CRTAM: variants seen among roughly 807,000 people sequenced by gnomAD.
CRTAM encodes the protein cytotoxic and regulatory T cell molecule.
A neutral mutation model predicts 50.0 loss-of-function variants in CRTAM; 44 were observed. That is an observed-to-expected ratio of 0.88 (90% CI 0.69 to 1.13). The LOEUF (loss-of-function observed/expected upper bound fraction) is 1.13. Among genes scored for constraint, CRTAM ranks in the 50% most tolerant of loss-of-function variants. CRTAM has a pLI of 0.00. For missense variants in CRTAM, 448 were observed against 457.5 expected, an observed-to-expected ratio of 0.98 and a Z score of 0.19; for synonymous variants, 159 against 169.3, an observed-to-expected ratio of 0.94 and a Z score of 0.47.
chr11:122,853,734 C>G (rs368918070), intron 3 of CRTAM, among the ~76,000 whole-genome samples: 5 of 151,774 alleles, frequency 3.3e-5, no homozygotes, highest in African/African-American at 1.2e-4. Flanking sequence ...AGGAGAATTG[C>G]GTGAACCTGG....
chr11:122,859,083 T>C (rs1452585116), intron 5 of CRTAM, among the ~76,000 whole-genome samples: 1 of 152,202 alleles, frequency 6.6e-6, no homozygotes, highest in Admixed American at 6.5e-5. Context: ...ATAATAAATC[T>C]GCTACATGTT....
intron 7 of CRTAM, among the ~76,000 whole-genome samples, chr11:122,866,607 CTT>C (rs34105956): frequency 3.8e-3 from 542 of 142,428 alleles, no homozygotes; most frequent in Middle Eastern, 7.1e-3. Context: ...TTTAGAAAGC[CTT>C]TTTTTTTTTT....
At chr11:122,841,127 C>T (rs891132368) in intron 1 of CRTAM, among the ~76,000 whole-genome samples, 3 of 152,070 alleles carry the variant, frequency 2.0e-5, no homozygotes, top group African/African-American at 4.8e-5. Flanking sequence ...AAAAATATTC[C>T]GATTCTGACA....
intron 3 of CRTAM, among the ~76,000 whole-genome samples, chr11:122,853,212 C>T (rs1445348365): frequency 3.3e-5 from 5 of 151,772 alleles, no homozygotes; most frequent in African/African-American, 4.8e-5. Flanking sequence ...GGACTACAGG[C>T]GTGCACCACT....
intron 5 of CRTAM, among the ~76,000 whole-genome samples, chr11:122,858,736 C>T (rs772803797): frequency 6.6e-6 from 1 of 152,066 alleles, no homozygotes; most frequent in Non-Finnish European, 1.5e-5. Context: ...ATTATGGTGC[C>T]CAGGCTGGTC....
At chr11:122,858,943 T>G (rs1184633869) in intron 5 of CRTAM, among the ~76,000 whole-genome samples, 2 of 152,202 alleles carry the variant, frequency 1.3e-5, no homozygotes, top group African/African-American at 4.8e-5. Flanking sequence ...TCAGGACCTC[T>G]CTACAATCTT....
chr11:122,858,103 G>A (rs1048820551), intron 5 of CRTAM, among the ~76,000 whole-genome samples: 2 of 151,958 alleles, frequency 1.3e-5, no homozygotes, highest in Non-Finnish European at 2.9e-5. Context: ...GCTGAGACGG[G>A]GTCTCCCTAT....
In CRTAM at chr11:122,850,072, C is replaced by T. The variant is rs758923593; in HGVS notation, c.51C>T (p.Ala17=). Residue 17 remains alanine (A), a synonymous_variant, in exon 2 of 10, where the codon GCC becomes GCT. Coordinates refer to ENST00000227348, the MANE Select transcript of CRTAM (RefSeq NM_019604.4). Reference sequence around the variant, plus strand: ...CCCATTTCTCTTCCTCCACAGAGGCCTCTCTGACTAACCACACAGAAACCA... The same window carrying T: ...CCCATTTCTCTTCCTCCACAGAGGCTTCTCTGACTAACCACACAGAAACCA... ...SLLAWFPLQE[A]SLTNHTETIT... The T allele has an allele frequency of 1.6e-5, 26 of 1,608,096 alleles. No homozygotes were observed. The highest frequency in any genetic ancestry group is 2.2e-5 in the Non-Finnish European group (26 of 1,176,382).
intron 9 of CRTAM, among the ~76,000 whole-genome samples, chr11:122,870,619 G>A (rs2135259289): frequency 6.6e-6 from 1 of 152,308 alleles, no homozygotes; most frequent in African/African-American, 2.4e-5. Flanking sequence ...GGCCTTGAGT[G>A]TGATCTGCCC....
chr11:122,862,019 GA>G (rs5795354), intron 5 of CRTAM, among the ~76,000 whole-genome samples: 7 of 151,868 alleles, frequency 4.6e-5, no homozygotes, highest in African/African-American at 1.7e-4. Context: ...ACAGATAAGA[GA>G]AAAAAAAGTG....
chr11:122,853,547 G>A (rs1201520593), intron 3 of CRTAM, among the ~76,000 whole-genome samples: 2 of 151,842 alleles, frequency 1.3e-5, no homozygotes, highest in African/African-American at 2.4e-5. Flanking sequence ...TGGGCCGGGC[G>A]CAGTGGCTCA....
At chr11:122,864,416 G>A (rs1193043247) in intron 6 of CRTAM, among the ~76,000 whole-genome samples, 2 of 152,180 alleles carry the variant, frequency 1.3e-5, no homozygotes, top group Non-Finnish European at 2.9e-5. Context: ...GCCAGGCACA[G>A]AGTAAATGCC....
chr11:122,842,576 G>A (rs1190702303), intron 1 of CRTAM, among the ~76,000 whole-genome samples: 4 of 152,166 alleles, frequency 2.6e-5, no homozygotes, highest in South Asian at 2.1e-4. Flanking sequence ...CACCACGCCC[G>A]GCCTCAAATT....
chr11:122,870,402 G>A (rs1268654014), intron 9 of CRTAM, among the ~76,000 whole-genome samples: 1 of 152,126 alleles, frequency 6.6e-6, no homozygotes, highest in Non-Finnish European at 1.5e-5. Context: ...TATTTAAAAT[G>A]AGTACCTGCA....
rs377226256 is a variant in CRTAM at position 122,854,079 on chromosome 11, A to G, written c.483A>G (p.Glu161=). The change falls in exon 4 of 10, where the codon GAA becomes GAG. Residue 161 remains glutamate (E), a synonymous_variant. Transcript: ENST00000227348. ...CCTGGCTACTTGGGAATAGCATGGA[A>G]GTGTCCGGTAAGGGGAGAAATGGTT... ...QITWLLGNSM[E]VSGGTLHEFE... 2 of 1,612,404 alleles carry G rather than the reference A, an allele frequency of 1.2e-6. No homozygotes were observed. Among genetic ancestry groups the G allele is most frequent in the African/African-American group, 2.7e-5 (2 of 74,852 alleles).
chr11:122,864,316 A>G (rs539546880), intron 6 of CRTAM, among the ~76,000 whole-genome samples: 2 of 152,330 alleles, frequency 1.3e-5, no homozygotes, highest in South Asian at 2.1e-4. Flanking sequence ...TATTTGCTAC[A>G]GGACTTTAGG....
At chr11:122,865,663 T>C (rs1348363914) in intron 7 of CRTAM, among the ~76,000 whole-genome samples, 1 of 152,162 alleles carries the variant, frequency 6.6e-6, no homozygotes, top group Non-Finnish European at 1.5e-5. Context: ...TTTCTATGTA[T>C]CTGTAGCTGA....
chr11:122,852,846 G>C (rs886617514), intron 3 of CRTAM, among the ~76,000 whole-genome samples: 3 of 151,970 alleles, frequency 2.0e-5, no homozygotes, highest in African/African-American at 7.3e-5. Context: ...TTTCATCTTC[G>C]TATTGCCAAC....
chr11:122,866,912 GA>G (rs1395948434), intron 7 of CRTAM, among the ~76,000 whole-genome samples: 3 of 152,084 alleles, frequency 2.0e-5, no homozygotes, highest in Non-Finnish European at 2.9e-5. Context: ...CACCTGGCTA[GA>G]AATATTTTCA....
Sources: gnomAD v4.1 joint callset for allele counts (sites outside exome capture counted in the v4.1 genomes callset) on GRCh38, gnomAD v4.1.1 for gene constraint, MANE v1.5 for transcripts, NCBI Gene and HGNC (gene_info 2026-07-23, HGNC 2026-07-21) for gene names.